Variants in ZSCAN5A observed in about 807,000 individuals in gnomAD.
The protein encoded by ZSCAN5A is zinc finger and SCAN domain containing 5A.
In ZSCAN5A, 12 loss-of-function variants were observed where a neutral mutation model predicts 23.7. The ratio of observed to expected loss-of-function variants is 0.51; its 90% CI spans 0.32 to 0.82. The LOEUF (loss-of-function observed/expected upper bound fraction) is 0.82, where lower values mean the gene tolerates loss of function less well. ZSCAN5A is among the 40% of genes least tolerant of loss of function. ZSCAN5A has a pLI of 0.03. For synonymous variants in ZSCAN5A, 257 were observed against 239.9 expected, an observed-to-expected ratio of 1.07 and a Z score of -0.66; for missense variants, 597 against 617.9, an observed-to-expected ratio of 0.97 and a Z score of 0.36.
intron 1 of ZSCAN5A, among the ~76,000 whole-genome samples, chr19:56,313,830 C>T (rs1458906285): frequency 6.6e-6 from 1 of 152,116 alleles, no homozygotes; most frequent in Non-Finnish European, 1.5e-5. Flanking sequence ...AGATCATGTC[C>T]AGACATTCAT....
At position 56,223,693 on chromosome 19, in the gene ZSCAN5A, C is replaced by T. The variant is rs1202541382; in HGVS notation, c.526G>A (p.Glu176Lys). The part of the protein sequence containing the change: ...ASSVNQMRPG[E>K]GQAHRELQIL... ...TGCAGCTCTCGGTGGGCCTGGCCTT[C>T]CCCTGGACGCATCTGGTTCACCGAG... The change falls in exon 4 of 6, where the codon GAA (glutamate) becomes AAA (lysine). Residue 176 changes from glutamate (E) to lysine (K), a missense_variant. By Grantham distance (56) the Glu-to-Lys change is moderately conservative. Coordinates refer to ENST00000683990, the MANE Select transcript of ZSCAN5A (RefSeq NM_001322064.3). The T allele has an allele frequency of 6.2e-7, 1 of 1,603,098 alleles. No individual in the cohort carries two copies. Among genetic ancestry groups the T allele is most frequent in the South Asian group, 1.1e-5 (1 of 90,364 alleles).
intron 2 of ZSCAN5A, among the ~76,000 whole-genome samples, chr19:56,307,947 A>G (rs2040803479): frequency 6.6e-6 from 1 of 152,242 alleles, no homozygotes; most frequent in African/African-American, 2.4e-5. Context: ...ATGGTACCCA[A>G]GGGTTCTCAG....
intron 2 of ZSCAN5A, among the ~76,000 whole-genome samples, chr19:56,265,583 C>T (rs375692839): frequency 1.3e-4 from 20 of 151,612 alleles, no homozygotes; most frequent in East Asian, 1.9e-4. Flanking sequence ...GTGGCAGAAA[C>T]GGACTTTGGC....
At chr19:56,347,903 G>A (rs2041644604) in intron 2 of ZSCAN5A, 1 of 152,286 alleles carries the variant, frequency 6.6e-6, no homozygotes, top group Non-Finnish European at 1.5e-5. Context: ...CAGCTTTGCA[G>A]GCTTGCAACA....
intron 2 of ZSCAN5A, among the ~76,000 whole-genome samples, chr19:56,247,698 ATT>A (rs1491056712): frequency 6.6e-6 from 1 of 150,874 alleles, no homozygotes; most frequent in Non-Finnish European, 1.5e-5. Context: ...TCTTTCTTTT[ATT>A]ATTTTTTTTG....
rs537120311 is a variant in ZSCAN5A, at chr19:56,230,755, G to A, written c.-127-5582C>T. ...GTTACATCCTGATAAACCCTATTGT[G>A]AATGTAAAATATAGAAAATAAAAAT... On this transcript the variant is annotated intron_variant, in intron 2 of 5. Coordinates refer to ENST00000683990, the MANE Select transcript of ZSCAN5A (RefSeq NM_001322064.3). 5.9e-5 allele frequency among the ~76,000 whole-genome samples: 9 copies of A among 152,076 alleles called. No individual in the cohort carries two copies. The East Asian group carries it at 1.4e-3, about 23-fold the overall frequency.
At chr19:56,323,084 C>T (rs1482225031) in intron 2 of ZSCAN5A, among the ~76,000 whole-genome samples, 7 of 151,692 alleles carry the variant, frequency 4.6e-5, no homozygotes, top group African/African-American at 7.3e-5. Flanking sequence ...TCAGTAGAGA[C>T]GGGGTTTCAC....
intron 2 of ZSCAN5A, among the ~76,000 whole-genome samples, chr19:56,248,160 AT>A (rs34362340): frequency 0.79 from 119,691 of 151,984 alleles, 47,877 homozygotes; most frequent in Non-Finnish European, 0.88. Flanking sequence ...CAAATAAACA[AT>A]TTTTTTTTAG....
At chr19:56,275,605 A>G (rs921585091) in intron 2 of ZSCAN5A, among the ~76,000 whole-genome samples, 5 of 152,204 alleles carry the variant, frequency 3.3e-5, no homozygotes, top group African/African-American at 1.2e-4. Context: ...TTGCATTAAC[A>G]GATTATTTTT....
At chr19:56,238,025 CAAA>C (rs1390076294) in intron 2 of ZSCAN5A, among the ~76,000 whole-genome samples, 1 of 714 alleles carries the variant, frequency 1.4e-3, no homozygotes, top group Non-Finnish European at 3.0e-3. Flanking sequence ...GTCAAAGAAA[CAAA>C]AAGCAAGCCA....
At chr19:56,343,261 C>G (rs1568761010) in intron 2 of ZSCAN5A, 1 of 834,272 alleles carries the variant, frequency 1.2e-6, no homozygotes, top group Non-Finnish European at 1.9e-6. Context: ...CTTCAGTATT[C>G]CTCTGTGAGG....
At chr19:56,341,616 T>C (rs1214113546) in intron 2 of ZSCAN5A, among the ~76,000 whole-genome samples, 1 of 147,128 alleles carries the variant, frequency 6.8e-6, no homozygotes, top group Non-Finnish European at 1.5e-5. Context: ...AGATAACAAA[T>C]GTAATAACCT....
At chr19:56,343,611 C>T (rs1406644856) in intron 2 of ZSCAN5A, among the ~76,000 whole-genome samples, 2 of 152,210 alleles carry the variant, frequency 1.3e-5, no homozygotes, top group Non-Finnish European at 1.5e-5. Flanking sequence ...TGTTCCAAGA[C>T]TAATTTACAG....
upstream of ZSCAN5A, chr19:56,315,383 C>T (rs1048371854): frequency 3.9e-5 from 6 of 152,310 alleles, no homozygotes; most frequent in Admixed American, 3.3e-4. Flanking sequence ...TGGGGCTGCT[C>T]GCGCGAGGCG....
chr19:56,308,623 C>A (rs1171381015), intron 2 of ZSCAN5A, among the ~76,000 whole-genome samples: 2 of 151,738 alleles, frequency 1.3e-5, no homozygotes, highest in Admixed American at 6.6e-5. Flanking sequence ...CACGCCCCCC[C>A]ATATTAAATC....
intron 2 of ZSCAN5A, chr19:56,354,514 G>A (rs1390507685): frequency 2.0e-5 from 3 of 152,178 alleles, no homozygotes; most frequent in Non-Finnish European, 4.4e-5. Context: ...AGATGTAGTG[G>A]TGGGGTCAAT....
intron 3 of ZSCAN5A, 165 bp downstream of exon 3, chr19:56,224,498 C>G: frequency 9.7e-7 from 1 of 1,033,756 alleles, no homozygotes. Flanking sequence ...TCCCTGACAA[C>G]AAAAACTGTC....
intron 2 of ZSCAN5A, chr19:56,246,597 G>A (rs978186738): frequency 7.5e-6 from 5 of 667,238 alleles, no homozygotes; most frequent in Non-Finnish European, 1.3e-5. Context: ...TTACTCTCCA[G>A]AGACCTACGG....
chr19:56,288,744 C>T (rs2039310422), intron 2 of ZSCAN5A, among the ~76,000 whole-genome samples: 1 of 152,152 alleles, frequency 6.6e-6, no homozygotes, highest in Admixed American at 6.5e-5. Context: ...GTAGCATTTC[C>T]ACCTCTGCTC....
Sources: allele counts gnomAD v4.1 joint callset (sites outside exome capture counted in the v4.1 genomes callset), GRCh38; gene constraint gnomAD v4.1.1; transcripts MANE v1.5; gene names NCBI Gene and HGNC (gene_info 2026-07-23, HGNC 2026-07-21).